Variants in EHMT1 observed in about 807,000 individuals in gnomAD.
The protein encoded by EHMT1 is euchromatic histone lysine methyltransferase 1, also known as histone-lysine N-methyltransferase EHMT1.
In EHMT1, 15 loss-of-function variants were observed where a neutral mutation model predicts 147.2. The observed-to-expected ratio is 0.10, with a 90% CI of 0.07 to 0.16. EHMT1 has a LOEUF of 0.16. Ranked by LOEUF, EHMT1 falls within the 10% of genes least tolerant of loss-of-function variation. EHMT1 has a pLI of 1.00. For synonymous variants in EHMT1, 795 were observed against 709.6 expected, an observed-to-expected ratio of 1.12 and a Z score of -1.91; for missense variants, 1,587 against 1,772.4, an observed-to-expected ratio of 0.90 and a Z score of 1.88.
Position 137,728,545 on chromosome 9 carries a change from C to A in EHMT1, c.823+16C>A. 6.2e-7 allele frequency: 1 copy of A among 1,613,992 alleles called. No individual in the cohort carries two copies. The highest frequency in any genetic ancestry group is 8.5e-7 in the Non-Finnish European group (1 of 1,179,958). On this transcript the variant is annotated intron_variant, in intron 4 of 26. Transcript: ENST00000460843. Reference sequence around the variant, plus strand: ...TCACAGACAGGTAAAGAGGACCCGGCAACTGTCTCTGCTCTTTGAATGTAT... The same window carrying A: ...TCACAGACAGGTAAAGAGGACCCGGAAACTGTCTCTGCTCTTTGAATGTAT...
chr9:137,728,178 A>G (rs1319971867), intron 3 of EHMT1, among the ~76,000 whole-genome samples, 171 bp from the exon 4 acceptor site: 2 of 152,216 alleles, frequency 1.3e-5, no homozygotes, highest in Non-Finnish European at 2.9e-5. Context: ...AACTAGGCAC[A>G]CGTGAGGACA....
chr9:137,740,446 C>T (rs952785271), intron 4 of EHMT1, among the ~76,000 whole-genome samples: 1 of 152,116 alleles, frequency 6.6e-6, no homozygotes, highest in Non-Finnish European at 1.5e-5. Flanking sequence ...CGAGCCTCTT[C>T]GAAGCTTACT....
intron 9 of EHMT1, 86 bp from the exon 10 acceptor site, chr9:137,762,589 C>T: frequency 3.7e-6 from 6 of 1,600,624 alleles, no homozygotes; most frequent in Non-Finnish European, 4.3e-6. Flanking sequence ...CGTGTGAGAT[C>T]ACTGTTGAGA....
intron 3 of EHMT1, among the ~76,000 whole-genome samples, chr9:137,718,195 G>A (rs181494360): frequency 1.1e-4 from 16 of 148,128 alleles, no homozygotes; most frequent in Admixed American, 3.3e-4. Context: ...CGCCCCTCAC[G>A]CGCACCGTGC....
intron 1 of EHMT1, chr9:137,641,568 T>A: frequency 3.3e-6 from 1 of 299,218 alleles, no homozygotes; most frequent in Non-Finnish European, 6.4e-6. Context: ...TTGGCCGAAT[T>A]TGTCTATGTT....
intron 16 of EHMT1, among the ~76,000 whole-genome samples, chr9:137,793,755 G>A (rs941755779): frequency 3.3e-5 from 5 of 152,146 alleles, no homozygotes; most frequent in South Asian, 4.1e-4. Context: ...GATGGACCTC[G>A]AGGACATTCT....
At position 137,813,302 on chromosome 9, in the gene EHMT1, T is replaced by C; in HGVS notation, c.3036-84T>C. The stretch of plus-strand genomic sequence containing the variant: ...AGTCCAAATTGTCAGGGCCAGGTGT[T>C]TGCCAGCCGCCCCACTGCACGCTGT... On this transcript the variant is annotated intron_variant, in intron 20 of 26. Transcript: ENST00000460843. This position sits in a 1 kb window ranked among gnomAD's most constrained non-coding sequence, Gnocchi z 4.9. 6.4e-7 allele frequency: 1 copy of C among 1,559,262 alleles called. No homozygotes were observed. The highest frequency in any genetic ancestry group is 8.6e-7 in the Non-Finnish European group (1 of 1,158,024).
chr9:137,800,686 C>T (rs1213137425), intron 17 of EHMT1, 194 bp from the exon 18 acceptor site: 10 of 607,368 alleles, frequency 1.6e-5, no homozygotes, highest in African/African-American at 1.1e-4. Flanking sequence ...CTTCATCCTG[C>T]GCTTGTGGAG....
intron 1 of EHMT1, among the ~76,000 whole-genome samples, chr9:137,707,591 A>T (rs1944372217): frequency 1.3e-5 from 2 of 152,240 alleles, no homozygotes; most frequent in Admixed American, 1.3e-4. Flanking sequence ...TTGTCAGAGG[A>T]TTCCTGAGTG....
At chr9:137,798,577 A>G (rs1953157595) in intron 16 of EHMT1, among the ~76,000 whole-genome samples, 1 of 152,208 alleles carries the variant, frequency 6.6e-6, no homozygotes, top group Non-Finnish European at 1.5e-5. Context: ...TTGCTGAATC[A>G]TTGACGGTGT....
At chr9:137,750,781 G>A (rs984182792) in intron 6 of EHMT1, among the ~76,000 whole-genome samples, 3 of 152,248 alleles carry the variant, frequency 2.0e-5, no homozygotes, top group Non-Finnish European at 2.9e-5. Context: ...GGCTGCCGGA[G>A]GGGACGCTTA....
At chr9:137,711,352 G>C (rs1302487230) in intron 2 of EHMT1, among the ~76,000 whole-genome samples, 2 of 152,168 alleles carry the variant, frequency 1.3e-5, no homozygotes, top group Non-Finnish European at 2.9e-5. Flanking sequence ...GAAAACCGGA[G>C]ACACTCCGGT....
chr9:137,792,460 G>A (rs540317592), intron 16 of EHMT1, among the ~76,000 whole-genome samples: 5 of 152,058 alleles, frequency 3.3e-5, no homozygotes, highest in South Asian at 2.1e-4. Flanking sequence ...ATCCCAGCAC[G>A]TTGGGAGGCT....
chr9:137,801,004 C>T lies in EHMT1; in HGVS notation c.2712+20C>T. ...GACAACGTAAGTTCGTCACACCCTC[C>T]CCGGGAGCCGTGTCCTGGAGGGGTG... On this transcript the variant is annotated intron_variant, in intron 18 of 26. Transcript: ENST00000460843. The T allele has an allele frequency of 1.2e-6, 2 of 1,610,956 alleles. No individual in the cohort carries two copies. Among genetic ancestry groups the T allele is most frequent in the Non-Finnish European group, 1.7e-6 (2 of 1,177,234 alleles).
chr9:137,707,487 A>C (rs886941572), intron 1 of EHMT1, among the ~76,000 whole-genome samples: 1 of 152,132 alleles, frequency 6.6e-6, no homozygotes, highest in African/African-American at 2.4e-5. Context: ...CCTTAATGGA[A>C]GTGAGCACTG....
intron 7 of EHMT1, 50 bp from the exon 8 acceptor site, chr9:137,754,121 G>A (rs371070759): frequency 4.0e-5 from 65 of 1,612,870 alleles, no homozygotes; most frequent in South Asian, 9.9e-5. Context: ...CTTGCCTTCC[G>A]TAGCTTCCTG....
At position 137,649,729 on chromosome 9, in the gene EHMT1, C is replaced by T. The variant is rs542801876; in HGVS notation, c.21+30680C>T. On this transcript the variant is annotated intron_variant, in intron 1 of 26. Transcript: ENST00000460843. ...AACCAGGGAGTGAGAAGATGGCCTA[C>T]ACCACCGGAGCTGGAAGAGGCAAGG... Among the ~76,000 whole-genome samples, 3 of 152,180 alleles carry T rather than the reference C, an allele frequency of 2.0e-5. No homozygotes were observed. In the South Asian group the frequency reaches 6.2e-4, roughly 32 times the overall value.
At chr9:137,816,150 A>C in intron 23 of EHMT1, 88 bp downstream of exon 23, 2 of 1,233,712 alleles carry the variant, frequency 1.6e-6, no homozygotes, top group Non-Finnish European at 2.3e-6. Flanking sequence ...CAAGAACTTA[A>C]CGTGTTTGGA....
intron 1 of EHMT1, among the ~76,000 whole-genome samples, chr9:137,709,667 T>A (rs1385587715): frequency 6.6e-6 from 1 of 151,498 alleles, no homozygotes; most frequent in Non-Finnish European, 1.5e-5. Context: ...TTTTGCAGCC[T>A]CTTCTTACCT....
Sources: allele counts gnomAD v4.1 joint callset (sites outside exome capture counted in the v4.1 genomes callset), GRCh38; gene constraint gnomAD v4.1.1; non-coding constraint Gnocchi (gnomAD v3.1); transcripts MANE v1.5; gene names NCBI Gene and HGNC (gene_info 2026-07-23, HGNC 2026-07-21).